JUP: variants seen among roughly 807,000 people sequenced by gnomAD.
JUP encodes the protein catenin (cadherin-associated protein), gamma 80kDa.
A neutral mutation model predicts 71.1 loss-of-function variants in JUP; 28 were observed. The observed-to-expected ratio is 0.39, with a 90% CI of 0.29 to 0.54. The LOEUF is 0.54. Ranked by LOEUF, JUP falls within the 20% of genes least tolerant of loss-of-function variation. JUP has a pLI of 0.62. For synonymous variants in JUP, 401 were observed against 438.9 expected (o/e 0.91, Z 1.08); for missense variants, 869 against 1,030.1 (o/e 0.84, Z 2.14).
At chr17:41,760,870 TATTAA>T (rs1328167690) in intron 8 of JUP, among the ~76,000 whole-genome samples, 2 of 152,302 alleles carry the variant, frequency 1.3e-5, no homozygotes, top group East Asian at 3.9e-4. Context: ...CTGTCTGTAC[TATTAA>T]ATTGTCTTAA....
At chr17:41,771,415 G>A in intron 2 of JUP, 1 of 595,358 alleles carries the variant, frequency 1.7e-6, no homozygotes, top group South Asian at 2.0e-5. Context: ...CAGGGACTAT[G>A]CCTTCCCTCC....
chr17:41,769,491 TTGA>T lies in JUP; in HGVS notation c.392_394del (p.Ile131del), dbSNP rs781818082. On this transcript the variant is annotated inframe_deletion, in exon 3 of 14. Coordinates refer to ENST00000393931, the MANE Select transcript of JUP (RefSeq NM_002230.4). ...GGCCAGCTCGGCATCGTCCTGGTAG[TTGA>T]TGAGATGCACAATGGCCGACTTGAG... 1.7e-5 allele frequency: 28 copies of T among 1,613,102 alleles called. No individual in the cohort carries two copies. The highest frequency in any genetic ancestry group is 2.1e-5 in the Non-Finnish European group (25 of 1,179,744).
intron 1 of JUP, among the ~76,000 whole-genome samples, chr17:41,785,401 C>A (rs1260792752): frequency 6.6e-6 from 1 of 152,146 alleles, no homozygotes; most frequent in African/African-American, 2.4e-5. Context: ...GTGGTGGTCC[C>A]AGGAGGCAGG....
chr17:41,774,784 G>A (rs1440456741), intron 1 of JUP, among the ~76,000 whole-genome samples: 1 of 152,124 alleles, frequency 6.6e-6, no homozygotes, highest in Non-Finnish European at 1.5e-5. Flanking sequence ...GCTTGCAGAT[G>A]GAAGCAGAGC....
intron 1 of JUP, among the ~76,000 whole-genome samples, chr17:41,780,177 G>A (rs1421300874): frequency 6.6e-6 from 1 of 150,476 alleles, no homozygotes. Flanking sequence ...TGGGACAAAT[G>A]CTTGAGCTCA....
At chr17:41,773,926 A>G (rs1209536155) in intron 1 of JUP, among the ~76,000 whole-genome samples, 2 of 152,220 alleles carry the variant, frequency 1.3e-5, no homozygotes, top group African/African-American at 4.8e-5. Context: ...TCAAGGCTGA[A>G]CGACATCTGG....
chr17:41,759,614 C>A (rs35169582), intron 8 of JUP, among the ~76,000 whole-genome samples: 2 of 152,086 alleles, frequency 1.3e-5, no homozygotes, highest in Non-Finnish European at 2.9e-5. Context: ...CCCAGCAGGG[C>A]AGCTCTGGAA....
intron 10 of JUP, 34 bp from the exon 11 acceptor site, chr17:41,757,818 G>GGGACGTGGGAAGCAGGGGAGAGT (rs1914110207): frequency 1.9e-6 from 3 of 1,580,400 alleles, no homozygotes; most frequent in Non-Finnish European, 2.6e-6. Context: ...CAGGGGAGAG[G>GGGACGTGGGAAGCAGGGGAGAGT]TGGAAAGGGG....
chr17:41,783,651 T>A (rs1437550081), intron 1 of JUP, among the ~76,000 whole-genome samples: 5 of 151,546 alleles, frequency 3.3e-5, no homozygotes, highest in African/African-American at 1.2e-4. Context: ...CCAGGTGAGG[T>A]GGCTCACGCC....
intron 1 of JUP, among the ~76,000 whole-genome samples, chr17:41,777,357 C>T (rs564927230): frequency 4.6e-5 from 7 of 152,356 alleles, no homozygotes; most frequent in African/African-American, 1.7e-4. Context: ...CCACCTTCCC[C>T]ACTCTGTCCC....
At chr17:41,772,207 C>T (rs1916773992) in intron 1 of JUP, 2 of 399,834 alleles carry the variant, frequency 5.0e-6, no homozygotes, top group Non-Finnish European at 9.5e-6. Flanking sequence ...CTGCCCTGAC[C>T]CAACTCTCCC....
At chr17:41,770,463 A>C (rs1278093911) in intron 2 of JUP, among the ~76,000 whole-genome samples, 4 of 152,178 alleles carry the variant, frequency 2.6e-5, no homozygotes, top group African/African-American at 9.7e-5. Flanking sequence ...AGACAGCTGC[A>C]TGGCTTTCCC....
intron 8 of JUP, among the ~76,000 whole-genome samples, chr17:41,762,691 G>A (rs981359282): frequency 6.6e-5 from 10 of 152,092 alleles, no homozygotes; most frequent in Admixed American, 2.6e-4. Context: ...ATGAGCCACC[G>A]TGCCTGGCCC....
chr17:41,781,008 G>A (rs1218111110), intron 1 of JUP, among the ~76,000 whole-genome samples: 10 of 151,974 alleles, frequency 6.6e-5, no homozygotes, highest in South Asian at 2.1e-4. Context: ...GTGAAACCCC[G>A]TCTCTACTAA....
At chr17:41,776,205 C>A (rs190202943) in intron 1 of JUP, among the ~76,000 whole-genome samples, 1 of 152,226 alleles carries the variant, frequency 6.6e-6, no homozygotes, top group African/African-American at 2.4e-5. Context: ...AGGCTAGAGG[C>A]CAGCACCCTG....
intron 1 of JUP, among the ~76,000 whole-genome samples, chr17:41,777,488 A>G (rs1390456946): frequency 6.6e-6 from 1 of 152,206 alleles, no homozygotes; most frequent in African/African-American, 2.4e-5. Flanking sequence ...GGGGCTGCCC[A>G]AGGAGGCCTC....
At chr17:41,762,698 G>A (rs1446397485) in intron 8 of JUP, among the ~76,000 whole-genome samples, 1 of 152,116 alleles carries the variant, frequency 6.6e-6, no homozygotes, top group African/African-American at 2.4e-5. Context: ...ACCGTGCCTG[G>A]CCCTGGAACC....
At chr17:41,777,992 GA>G (rs1369858620) in intron 1 of JUP, among the ~76,000 whole-genome samples, 1 of 152,172 alleles carries the variant, frequency 6.6e-6, no homozygotes, top group African/African-American at 2.4e-5. Context: ...CCCACACCAG[GA>G]AACAACAACA....
At chr17:41,778,572 T>A (rs569881890) in intron 1 of JUP, among the ~76,000 whole-genome samples, 4 of 105,124 alleles carry the variant, frequency 3.8e-5, no homozygotes, top group South Asian at 3.0e-4. Context: ...AAAAAAAAAA[T>A]GTTACTATAT....
Sources: gnomAD v4.1 joint callset for allele counts (sites outside exome capture counted in the v4.1 genomes callset) on GRCh38, gnomAD v4.1.1 for gene constraint, MANE v1.5 for transcripts, NCBI Gene and HGNC (gene_info 2026-07-23, HGNC 2026-07-21) for gene names.